FER1L6: variants seen among roughly 807,000 people sequenced by gnomAD.
FER1L6 encodes the protein fer-1 like family member 6, also known as fer-1-like protein 6.
FER1L6 carries 177 observed loss-of-function variants against 219.2 expected under a neutral mutation model. The observed-to-expected ratio is 0.81, with a 90% CI of 0.71 to 0.91. The LOEUF (loss-of-function observed/expected upper bound fraction) is 0.91. FER1L6 is among the 40% of genes least tolerant of loss of function. FER1L6 has a pLI of 0.00. For missense variants in FER1L6, 2,153 were observed against 2,259.9 expected (o/e 0.95, Z 0.96); for synonymous variants, 768 against 824.3 (o/e 0.93, Z 1.17).
At chr8:123,956,121 C>T in intron 2 of FER1L6, 47 bp downstream of exon 2, 1 of 1,514,532 alleles carries the variant, frequency 6.6e-7, no homozygotes, top group Non-Finnish European at 9.1e-7. Flanking sequence ...GAGAGTCTCG[C>T]AGAGTGACCC....
chr8:123,891,917 A>G (rs899022887), intron 1 of FER1L6, among the ~76,000 whole-genome samples: 1 of 152,208 alleles, frequency 6.6e-6, no homozygotes, highest in Non-Finnish European at 1.5e-5. Context: ...TTGAGGGATA[A>G]GATTAGTTCA....
At chr8:124,115,535 G>A (rs1342996400) in intron 39 of FER1L6, among the ~76,000 whole-genome samples, 3 of 151,950 alleles carry the variant, frequency 2.0e-5, no homozygotes, top group Non-Finnish European at 2.9e-5. Context: ...CTTTTTCTTT[G>A]CATTGATTTT....
intron 38 of FER1L6, 37 bp downstream of exon 38, chr8:124,101,375 A>T: frequency 6.3e-7 from 1 of 1,590,214 alleles, no homozygotes. Context: ...TATTAATGTT[A>T]AGGGTTTTGT....
chr8:124,114,093 C>A (rs1342596535), intron 39 of FER1L6, among the ~76,000 whole-genome samples: 1 of 152,140 alleles, frequency 6.6e-6, no homozygotes, highest in African/African-American at 2.4e-5. Context: ...TTCCTTACAT[C>A]TGTCTGTCTA....
In FER1L6 at chr8:123,879,806, C is replaced by T. The variant is rs189071751; in HGVS notation, c.-8+27621C>T. ...GGCTTAACCTCACATCTCTCAGGGTCGAATGCTCTCTCTCCACTCCCAGCT... is the reference window on the plus strand; with the variant it reads ...GGCTTAACCTCACATCTCTCAGGGTTGAATGCTCTCTCTCCACTCCCAGCT... On this transcript the variant is annotated intron_variant, in intron 1 of 40. Coordinates refer to ENST00000522917, the MANE Select transcript of FER1L6 (RefSeq NM_001039112.2). 4.8e-3 allele frequency among the ~76,000 whole-genome samples: 724 copies of T among 152,230 alleles called. 2 individuals are homozygous for T. Among genetic ancestry groups the T allele is most frequent in the Middle Eastern group, 0.017 (5 of 294 alleles).
At chr8:123,899,664 G>C (rs1429642410) in intron 1 of FER1L6, among the ~76,000 whole-genome samples, 2 of 151,838 alleles carry the variant, frequency 1.3e-5, no homozygotes, top group Admixed American at 1.3e-4. Flanking sequence ...TTAAGTCCTT[G>C]AGTTGACTTT....
At chr8:123,867,417 A>G (rs184127706) in intron 1 of FER1L6, among the ~76,000 whole-genome samples, 1 of 152,328 alleles carries the variant, frequency 6.6e-6, no homozygotes, top group Non-Finnish European at 1.5e-5. Flanking sequence ...ACCTGAGACA[A>G]TAATTCCAGT....
chr8:123,937,916 A>C (rs1346999090), intron 1 of FER1L6, among the ~76,000 whole-genome samples: 2 of 152,228 alleles, frequency 1.3e-5, no homozygotes, highest in South Asian at 4.1e-4. Context: ...GTTAAGAAAC[A>C]TCAGTCGTAA....
chr8:123,912,301 C>G (rs934274666), intron 1 of FER1L6, among the ~76,000 whole-genome samples: 6 of 151,390 alleles, frequency 4.0e-5, no homozygotes, highest in Admixed American at 2.6e-4. Context: ...AGAAGAAAGC[C>G]TACTAAGTAT....
chr8:123,857,287 A>G (rs1046316815), intron 1 of FER1L6, among the ~76,000 whole-genome samples: 2 of 152,178 alleles, frequency 1.3e-5, no homozygotes, highest in African/African-American at 4.8e-5. Context: ...AGGCAGGAGG[A>G]TCACTTGAGG....
At chr8:123,892,713 TA>T (rs1227740624) in intron 1 of FER1L6, among the ~76,000 whole-genome samples, 7 of 152,362 alleles carry the variant, frequency 4.6e-5, no homozygotes, top group African/African-American at 1.7e-4. Flanking sequence ...GACTATTTTA[TA>T]ATAACCTGTG....
At chr8:124,074,572 A>C (rs1821201815) in intron 31 of FER1L6, among the ~76,000 whole-genome samples, 1 of 151,410 alleles carries the variant, frequency 6.6e-6, no homozygotes, top group African/African-American at 2.4e-5. Context: ...GGATCACTTG[A>C]GCCTGGGAGG....
intron 13 of FER1L6, among the ~76,000 whole-genome samples, chr8:124,009,305 T>C (rs1390965654): frequency 1.3e-5 from 2 of 152,198 alleles, no homozygotes; most frequent in Non-Finnish European, 2.9e-5. Context: ...AACATTTATT[T>C]ATTTACTTCC....
chr8:124,072,687 T>G (rs1013108534), intron 31 of FER1L6, among the ~76,000 whole-genome samples: 3 of 152,198 alleles, frequency 2.0e-5, no homozygotes, highest in Admixed American at 2.0e-4. Context: ...GTGCCAGGGA[T>G]GTTGTGATGA....
chr8:123,890,529 C>CA (rs1319013690), intron 1 of FER1L6, among the ~76,000 whole-genome samples: 1 of 151,092 alleles, frequency 6.6e-6, no homozygotes, highest in African/African-American at 2.4e-5. Context: ...TATGCATTTC[C>CA]AACAAGTTAT....
intron 2 of FER1L6, among the ~76,000 whole-genome samples, chr8:123,957,344 A>T (rs1392405385): frequency 6.6e-6 from 1 of 152,170 alleles, no homozygotes; most frequent in Non-Finnish European, 1.5e-5. Context: ...TTGTTGATTC[A>T]ATGAAACTTC....
At position 123,890,673 on chromosome 8, in the gene FER1L6, C is replaced by T. The variant is rs191528586; in HGVS notation, c.-8+38488C>T. ...TTACCTCTGATGATCTAGAGAGCTA[C>T]AGGAGCTTTAAGTTTCCTGGTTAAA... On this transcript the variant is annotated intron_variant, in intron 1 of 40. Transcript: ENST00000522917. Among the ~76,000 whole-genome samples, 8 of 100,834 alleles carry T rather than the reference C, an allele frequency of 7.9e-5. No homozygotes were observed. The East Asian group carries it at 2.8e-3, about 35-fold the overall frequency. 66.2% of individuals were successfully genotyped at this position (100,834 alleles called of 152,430 possible).
intron 39 of FER1L6, among the ~76,000 whole-genome samples, chr8:124,117,933 C>G (rs1361706819): frequency 6.6e-6 from 1 of 152,168 alleles, no homozygotes; most frequent in Admixed American, 6.5e-5. Flanking sequence ...GAAGCTTTAT[C>G]AGCAATCGTG....
intron 1 of FER1L6, among the ~76,000 whole-genome samples, chr8:123,898,896 AGTT>A (rs1014769300): frequency 3.4e-5 from 5 of 148,188 alleles, no homozygotes; most frequent in African/African-American, 1.3e-4. Context: ...TTTTTTATCC[AGTT>A]GTTGATTGTT....
Sources: gnomAD v4.1 joint callset for allele counts (sites outside exome capture counted in the v4.1 genomes callset) on GRCh38, gnomAD v4.1.1 for gene constraint, MANE v1.5 for transcripts, NCBI Gene and HGNC (gene_info 2026-07-23, HGNC 2026-07-21) for gene names.